The following ERC2 variants were observed in gnomAD, a reference collection of about 807,000 sequenced individuals.
ERC2 encodes ELKS/RAB6-interacting/CAST family member 2, also known as ERC protein 2.
Under a neutral mutation model 114.8 loss-of-function variants are expected in ERC2, and 42 were observed. That is an observed-to-expected ratio of 0.37 (90% CI 0.29 to 0.47). The LOEUF (loss-of-function observed/expected upper bound fraction) is 0.47. Among genes scored for constraint, ERC2 ranks in the 20% least tolerant of loss-of-function variants. The pLI is 0.99. For synonymous variants in ERC2, 454 were observed against 425.5 expected, an observed-to-expected ratio of 1.07 and a Z score of -0.82; for missense variants, 939 against 1,150.7, an observed-to-expected ratio of 0.82 and a Z score of 2.66.
Position 55,549,439 on chromosome 3 carries a change from C to T in ERC2, c.*40-38163G>A, listed in dbSNP as rs1428732267. Among the ~76,000 whole-genome samples the T allele has an allele frequency of 2.0e-5, 3 of 146,874 alleles. No individual in the cohort carries two copies. The East Asian group carries it at 6.2e-4, about 30-fold the overall frequency. ...CTCTCCGAACACAAAATGCCTGAGA[C>T]AATATGGAAACCAGATGCGGAGCAA... is the stretch of plus-strand genomic sequence containing the variant. On this transcript the variant is annotated intron_variant, in intron 17 of 17. Transcript: ENST00000288221.
Position 56,103,134 on chromosome 3 carries a change from G to A in ERC2, c.1474-22150C>T, listed in dbSNP as rs552128045. ...GAGGAAGGGATATTGAAGATGAGAC[G>A]AAAGAGAAAATGGTCAGGGAAGGGG... is the stretch of plus-strand genomic sequence containing the variant. On this transcript the variant is annotated intron_variant, in intron 6 of 17. Coordinates refer to ENST00000288221, the MANE Select transcript of ERC2 (RefSeq NM_015576.3). Among the ~76,000 whole-genome samples the A allele has an allele frequency of 1.7e-3, 265 of 152,188 alleles. 4 individuals are homozygous for A. Among genetic ancestry groups the A allele is most frequent in the African/African-American group, 5.9e-3 (246 of 41,526 alleles).
At chr3:55,693,125 C>T (rs1294467936) in intron 16 of ERC2, among the ~76,000 whole-genome samples, 1 of 152,332 alleles carries the variant, frequency 6.6e-6, no homozygotes, top group South Asian at 2.1e-4. Context: ...CCAAGGATTA[C>T]TATTTATATC....
chr3:56,295,582 T>C (rs80315913), intron 3 of ERC2, among the ~76,000 whole-genome samples: 30 of 152,378 alleles, frequency 2.0e-4, no homozygotes, highest in African/African-American at 6.7e-4. Context: ...TCCCATAGGC[T>C]TTACTTTCTG....
chr3:55,526,107 G>A (rs2053296754), intron 17 of ERC2, among the ~76,000 whole-genome samples: 1 of 152,122 alleles, frequency 6.6e-6, no homozygotes. Flanking sequence ...GGTGATGGAA[G>A]CAGAGGGTGG....
intron 7 of ERC2, among the ~76,000 whole-genome samples, chr3:56,067,963 C>A (rs2076557178): frequency 6.6e-6 from 1 of 152,066 alleles, no homozygotes; most frequent in African/African-American, 2.4e-5. Context: ...TATGGATTTT[C>A]GCATCGATTT....
intron 10 of ERC2, among the ~76,000 whole-genome samples, chr3:56,003,678 C>A (rs1204002899): frequency 1.3e-5 from 2 of 152,024 alleles, no homozygotes; most frequent in Non-Finnish European, 2.9e-5. Flanking sequence ...ATTGGATTAA[C>A]TTAAATGGGA....
intron 10 of ERC2, among the ~76,000 whole-genome samples, chr3:55,993,499 T>C (rs6766861): frequency 0.31 from 47,550 of 151,884 alleles, 8,458 homozygotes; most frequent in Middle Eastern, 0.41. Flanking sequence ...TGCAATGATT[T>C]AATAGAAAAA....
intron 12 of ERC2, among the ~76,000 whole-genome samples, chr3:55,968,509 A>G (rs1033035999): frequency 4.6e-5 from 7 of 152,190 alleles, no homozygotes; most frequent in Admixed American, 1.3e-4. Flanking sequence ...ATGACTAATT[A>G]TAAGTCTCAG....
At chr3:55,872,600 G>A (rs2062635914) in intron 14 of ERC2, among the ~76,000 whole-genome samples, 1 of 152,120 alleles carries the variant, frequency 6.6e-6, no homozygotes, top group Non-Finnish European at 1.5e-5. Flanking sequence ...GATTATAAAA[G>A]GTTCATATTG....
intron 17 of ERC2, among the ~76,000 whole-genome samples, chr3:55,664,148 T>C (rs11705985): frequency 0.55 from 83,870 of 152,034 alleles, 24,789 homozygotes; most frequent in Non-Finnish European, 0.64. Flanking sequence ...TCAAGCCTTT[T>C]ATTTTTTTCC....
rs539123043 is a variant in ERC2, at chr3:55,683,314, T to C, written c.*39+480A>G. Reference sequence around the variant, plus strand: ...CATTAAACGGCCTTCTTAGAGATGATAGTTTCAGCTCCATGAAGATACATA... The same window carrying C: ...CATTAAACGGCCTTCTTAGAGATGACAGTTTCAGCTCCATGAAGATACATA... On this transcript the variant is annotated intron_variant, in intron 17 of 17. Coordinates refer to ENST00000288221, the MANE Select transcript of ERC2 (RefSeq NM_015576.3). 3.9e-5 allele frequency among the ~76,000 whole-genome samples: 6 copies of C among 152,320 alleles called. No individual in the cohort carries two copies. The South Asian group carries it at 1.2e-3, about 32-fold the overall frequency.
At chr3:56,118,260 T>C (rs1344362468) in intron 6 of ERC2, among the ~76,000 whole-genome samples, 3 of 152,194 alleles carry the variant, frequency 2.0e-5, no homozygotes, top group Admixed American at 6.5e-5. Context: ...GTTACTAATA[T>C]GAGCAGGGTC....
In ERC2 at chr3:55,939,121, A is replaced by G. The variant is rs142687106; in HGVS notation, c.2403+11304T>C. 2.2e-3 allele frequency among the ~76,000 whole-genome samples: 338 copies of G among 152,362 alleles called. 5 individuals carry two copies. The highest frequency in any genetic ancestry group is 5.4e-3 in the South Asian group (26 of 4,830). On this transcript the variant is annotated intron_variant, in intron 13 of 17. Transcript: ENST00000288221. ...TTTCTTAATGAGGTACAATTTTTTA[A>G]AAGTACATTAGAATTAGAATTTTCT...
intron 2 of ERC2, among the ~76,000 whole-genome samples, chr3:56,309,128 A>T (rs1193844098): frequency 6.6e-6 from 1 of 152,232 alleles, no homozygotes; most frequent in Non-Finnish European, 1.5e-5. Context: ...TGAGGGAGGT[A>T]TAAAAAATTA....
At chr3:55,684,247 T>C (rs1335986191) in intron 16 of ERC2, among the ~76,000 whole-genome samples, 1 of 152,118 alleles carries the variant, frequency 6.6e-6, no homozygotes, top group African/African-American at 2.4e-5. Flanking sequence ...GTAATTATAG[T>C]AATCAAATAC....
chr3:55,985,900 T>C, intron 12 of ERC2, 77 bp downstream of exon 12: 1 of 1,274,930 alleles, frequency 7.8e-7, no homozygotes, highest in African/African-American at 1.5e-5. Flanking sequence ...TTCAGAAATG[T>C]GTTTGTTAAA....
At chr3:56,265,864 C>T (rs1041603718) in intron 3 of ERC2, among the ~76,000 whole-genome samples, 1 of 151,090 alleles carries the variant, frequency 6.6e-6, no homozygotes, top group African/African-American at 2.4e-5. Flanking sequence ...TCTTGTCTCT[C>T]CTAAAAATAC....
intron 16 of ERC2, among the ~76,000 whole-genome samples, chr3:55,689,868 T>C (rs1236585960): frequency 1.3e-5 from 2 of 151,482 alleles, no homozygotes; most frequent in Admixed American, 6.6e-5. Context: ...TGATGCTTCA[T>C]AGGTTTGCTG....
intron 6 of ERC2, among the ~76,000 whole-genome samples, chr3:56,111,287 T>TTCTCTCTCCCTCTTTC (rs896599029): frequency 2.7e-5 from 4 of 149,144 alleles, no homozygotes; most frequent in South Asian, 2.2e-4. Flanking sequence ...CGCTCCCTCT[T>TTCTCTCTCCCTCTTTC]TCTCTCTCCC....
Sources: gnomAD v4.1 joint callset for allele counts (sites outside exome capture counted in the v4.1 genomes callset) on GRCh38, gnomAD v4.1.1 for gene constraint, MANE v1.5 for transcripts, NCBI Gene and HGNC (gene_info 2026-07-23, HGNC 2026-07-21) for gene names.